NCOR1: variants seen among roughly 807,000 people sequenced by gnomAD.
The protein encoded by NCOR1 is protein phosphatase 1, regulatory subunit 109.
In NCOR1, 63 loss-of-function variants were observed where a neutral mutation model predicts 288.1. The observed-to-expected ratio is 0.22, with a 90% CI of 0.18 to 0.27. The LOEUF (loss-of-function observed/expected upper bound fraction) is 0.27, where lower values mean the gene tolerates loss of function less well. Ranked by LOEUF, NCOR1 falls within the 10% of genes least tolerant of loss-of-function variation. NCOR1 has a pLI of 1.00. For missense variants in NCOR1, 2,397 were observed against 3,019.2 expected (o/e 0.79, Z 4.83); for synonymous variants, 1,007 against 1,065.9 (o/e 0.94, Z 1.08).
At chr17:16,083,945 G>T (rs868591455) in intron 23 of NCOR1, 6 of 152,116 alleles carry the variant, frequency 3.9e-5, no homozygotes, top group African/African-American at 1.4e-4. Flanking sequence ...GAAAAAAAAA[G>T]AGAAGAGAAG....
At chr17:16,118,228 T>C in intron 17 of NCOR1, among the ~76,000 whole-genome samples, 1 of 152,160 alleles carries the variant, frequency 6.6e-6, no homozygotes, top group East Asian at 1.9e-4. Flanking sequence ...TTTTTCCCCC[T>C]CAAATTTAAA....
chr17:16,193,917 T>C (rs139176680), intron 2 of NCOR1, among the ~76,000 whole-genome samples: 1 of 152,220 alleles, frequency 6.6e-6, no homozygotes, highest in South Asian at 2.1e-4. Context: ...TTAAACCTCT[T>C]ACACCCATAA....
At chr17:16,209,614 T>C (rs2091924605) in intron 1 of NCOR1, among the ~76,000 whole-genome samples, 1 of 144,050 alleles carries the variant, frequency 6.9e-6, no homozygotes, top group East Asian at 2.0e-4. Flanking sequence ...AGAAAATGAA[T>C]ATTACAAATA....
chr17:16,159,001 GAAGGTCTCATGGACC>G, intron 5 of NCOR1, 128 bp from the exon 6 acceptor site: 1 of 520,324 alleles, frequency 1.9e-6, no homozygotes, highest in South Asian at 3.3e-5. Context: ...ATTAATCCAT[GAAGGTCTCATGGACC>G]AAGAGCTCAA....
chr17:16,047,256 T>C (rs150188581), intron 41 of NCOR1, among the ~76,000 whole-genome samples, 163 bp from the exon 42 acceptor site: 213 of 152,326 alleles, frequency 1.4e-3, no homozygotes, highest in African/African-American at 4.8e-3. Context: ...ATAAACCACT[T>C]AGTACATCAT....
chr17:16,091,910 G>T lies in NCOR1; in HGVS notation c.2969C>A (p.Ser990Tyr). ...CTTGGATGTGCCACATGGACTTGTA[G>T]AACTTCTACATTCCAAATCTATCTG... ...QEQIDLECRSSTSPCGTSKSP... is the reference protein window; with the variant it reads ...QEQIDLECRSYTSPCGTSKSP... The change falls in exon 22 of 46, where the codon TCT (serine) becomes TAT (tyrosine). Residue 990 changes from serine to tyrosine, a missense_variant. Around this residue, in one of 11 missense-constraint regions of NCOR1, gnomAD observed 1,872 missense variants for 2,187.8 expected, o/e 0.86. Coordinates refer to ENST00000268712, the MANE Select transcript of NCOR1 (RefSeq NM_006311.4). The T allele has an allele frequency of 3.7e-6, 6 of 1,614,096 alleles. No individual in the cohort carries two copies. Among genetic ancestry groups the T allele is most frequent in the Non-Finnish European group, 5.1e-6 (6 of 1,180,020 alleles).
intron 5 of NCOR1, among the ~76,000 whole-genome samples, chr17:16,162,678 C>T (rs771144690): frequency 2.6e-5 from 4 of 151,996 alleles, no homozygotes; most frequent in Non-Finnish European, 5.9e-5. Context: ...TTTTAATAAA[C>T]AGGCCAAATA....
chr17:16,041,830 A>G (rs1044556374), intron 42 of NCOR1, among the ~76,000 whole-genome samples: 12 of 148,126 alleles, frequency 8.1e-5, no homozygotes, highest in East Asian at 2.0e-4. Context: ...TCTGCCTCCC[A>G]GGTTCACGCC....
intron 5 of NCOR1, among the ~76,000 whole-genome samples, chr17:16,161,677 G>A (rs1207606800): frequency 6.6e-6 from 1 of 152,144 alleles, no homozygotes; most frequent in Non-Finnish European, 1.5e-5. Context: ...TTGAAATTGT[G>A]TGAGACATGA....
chr17:16,068,017 G>C lies in NCOR1; in HGVS notation c.4618C>G (p.Pro1540Ala). The change falls in exon 32 of 46, where the codon CCT becomes GCT. Residue 1540 changes from proline (P) to alanine (A), a missense_variant. Coordinates refer to ENST00000268712, the MANE Select transcript of NCOR1 (RefSeq NM_006311.4). ...PAKSPVPGVD[P>A]VVSHSPFDPH... Reference sequence around the variant, plus strand: ...TCAAACGGACTGTGGCTCACGACAGGGTCCACCCCAGGCACTGGAGACTTC... The same window carrying C: ...TCAAACGGACTGTGGCTCACGACAGCGTCCACCCCAGGCACTGGAGACTTC... The C allele has an allele frequency of 1.2e-6, 2 of 1,614,190 alleles. No individual in the cohort carries two copies. Among genetic ancestry groups the C allele is most frequent in the East Asian group, 4.5e-5 (2 of 44,890 alleles).
intron 29 of NCOR1, 49 bp downstream of exon 29, chr17:16,072,096 G>C (rs1403263628): frequency 7.3e-7 from 1 of 1,366,416 alleles, no homozygotes; most frequent in Non-Finnish European, 1.0e-6. Flanking sequence ...AAACTATTTT[G>C]CCAGGGAGGC....
intron 39 of NCOR1, 38 bp downstream of exon 39, chr17:16,057,869 A>G (rs575752921): frequency 1.9e-6 from 3 of 1,550,200 alleles, no homozygotes; most frequent in Non-Finnish European, 2.6e-6. Flanking sequence ...CATGATCAAA[A>G]AAGAAAAATT....
rs371462655 is a variant in NCOR1 at position 16,080,467 on chromosome 17, C to A, written c.3341G>T (p.Ser1114Ile). 3 of 1,614,042 alleles carry A rather than the reference C, an allele frequency of 1.9e-6. No homozygotes were observed. In the African/African-American group the frequency reaches 4.0e-5, roughly 22 times the overall value. ...CAGACCCTCAGGTTGTGAGTTTTGG[C>A]TTCGGGGAGAAAATTCTTCCTGCTT... is the stretch of plus-strand genomic sequence containing the variant. ...YIKQEEFSPR[S>I]QNSQPEGLLV... Residue 1114 changes from serine (S) to isoleucine (I), a missense_variant, in exon 25 of 46, where the codon AGC (serine) becomes ATC (isoleucine). Ser to Ile is a moderately radical substitution (Grantham distance 142, BLOSUM62 -2). Coordinates refer to ENST00000268712, the MANE Select transcript of NCOR1 (RefSeq NM_006311.4).
At chr17:16,182,312 G>A (rs1157305212) in intron 3 of NCOR1, among the ~76,000 whole-genome samples, 1 of 152,086 alleles carries the variant, frequency 6.6e-6, no homozygotes, top group African/African-American at 2.4e-5. Context: ...TAAGAATAAT[G>A]TAATAAAATG....
At chr17:16,068,353 G>C in intron 31 of NCOR1, 3 of 497,430 alleles carry the variant, frequency 6.0e-6, no homozygotes, top group Non-Finnish European at 1.1e-5. Context: ...TTGGATCATA[G>C]CACCAGTATT....
intron 2 of NCOR1, chr17:16,191,835 A>C (rs1053865330): frequency 6.6e-6 from 1 of 151,048 alleles, no homozygotes; most frequent in Non-Finnish European, 1.5e-5. Flanking sequence ...CACAACAGCC[A>C]GGCGTCGTGA....
intron 2 of NCOR1, among the ~76,000 whole-genome samples, chr17:16,192,946 T>C (rs1369825948): frequency 6.6e-6 from 1 of 151,986 alleles, no homozygotes; most frequent in Non-Finnish European, 1.5e-5. Flanking sequence ...ACAGAATAGT[T>C]CCCATGAAGC....
intron 14 of NCOR1, among the ~76,000 whole-genome samples, chr17:16,127,228 CATGTATGCATAT>C (rs2074305187): frequency 1.7e-5 from 2 of 119,104 alleles, no homozygotes; most frequent in African/African-American, 7.5e-5. Flanking sequence ...TGTATATATA[CATGTATGCATAT>C]ATGTATGTAT....
At chr17:16,195,948 T>C (rs901913513) in intron 1 of NCOR1, among the ~76,000 whole-genome samples, 1 of 151,904 alleles carries the variant, frequency 6.6e-6, no homozygotes, top group Admixed American at 6.6e-5. Flanking sequence ...TGTATAAAAA[T>C]GTGTGCCATA....
Sources: gnomAD v4.1 joint callset for allele counts (sites outside exome capture counted in the v4.1 genomes callset) on GRCh38, gnomAD v4.1.1 for gene constraint, gnomAD v4.1.1 regional missense constraint, MANE v1.5 for transcripts, NCBI Gene and HGNC (gene_info 2026-07-23, HGNC 2026-07-21) for gene names.